Variants in ANKS1B observed in about 807,000 individuals in gnomAD.
ANKS1B encodes ankyrin repeat and sterile alpha motif domain-containing protein 1B.
ANKS1B carries 36 observed loss-of-function variants against 148.3 expected under a neutral mutation model. The ratio of observed to expected loss-of-function variants is 0.24; its 90% CI spans 0.19 to 0.32. The LOEUF (loss-of-function observed/expected upper bound fraction) is 0.32, where lower values mean the gene tolerates loss of function less well. Ranked by LOEUF, ANKS1B falls within the 10% of genes least tolerant of loss-of-function variation. The pLI, the probability that ANKS1B is intolerant of heterozygous loss-of-function variation, is 1.00. For synonymous variants in ANKS1B, 542 were observed against 560.8 expected (o/e 0.97, Z 0.47); for missense variants, 1,157 against 1,542.6 (o/e 0.75, Z 4.19).
intron 8 of ANKS1B, among the ~76,000 whole-genome samples, chr12:99,731,789 T>C (rs2059186060): frequency 6.6e-6 from 1 of 152,120 alleles, no homozygotes; most frequent in Admixed American, 6.6e-5. Flanking sequence ...ACATGAATCA[T>C]ACACACATAA....
chr12:99,830,370 T>C (rs1266947701), intron 1 of ANKS1B, among the ~76,000 whole-genome samples: 1 of 152,124 alleles, frequency 6.6e-6, no homozygotes, highest in East Asian at 1.9e-4. Context: ...CCTAAATTAA[T>C]ACATCTGTTC....
intron 1 of ANKS1B, among the ~76,000 whole-genome samples, chr12:99,859,315 C>G (rs2089681644): frequency 6.6e-6 from 1 of 152,196 alleles, no homozygotes; most frequent in Non-Finnish European, 1.5e-5. Flanking sequence ...TAAACATTAA[C>G]AAGTTTACAC....
chr12:99,087,850 T>C (rs1008774717), intron 15 of ANKS1B, among the ~76,000 whole-genome samples: 1 of 152,178 alleles, frequency 6.6e-6, no homozygotes, highest in Non-Finnish European at 1.5e-5. Context: ...ATTTCAGTGT[T>C]TGAATACTGA....
chr12:99,676,177 C>G (rs536253192), intron 8 of ANKS1B, among the ~76,000 whole-genome samples: 122 of 149,534 alleles, frequency 8.2e-4, no homozygotes, highest in African/African-American at 2.9e-3. Context: ...CCCCTTCTGC[C>G]ATTGTTTTAA....
rs759880783 is a variant in ANKS1B, at chr12:98,773,176, T to C, written c.3445A>G (p.Ile1149Val). ...TTACGAATTTCATGCTCAGCAATTA[T>C]GTTCTGGAAGAAATGACATAAATGA... ...VKFIDATNKN[I>V]IAEHEIRNIS... is the part of the protein sequence containing the mutation. The change falls in exon 25 of 27, where the codon ATA becomes GTA. Residue 1149 changes from isoleucine to valine, a missense_variant. Around this residue, in one of 6 missense-constraint regions of ANKS1B, gnomAD observed 258 missense variants for 497.0 expected, o/e 0.52. Coordinates refer to ENST00000683438, the MANE Select transcript of ANKS1B (RefSeq NM_001352186.2). 34 of 1,606,362 alleles carry C rather than the reference T, an allele frequency of 2.1e-5. No individual in the cohort carries two copies. Among genetic ancestry groups the C allele is most frequent in the Non-Finnish European group, 2.6e-5 (31 of 1,176,630 alleles).
intron 15 of ANKS1B, chr12:99,093,257 A>G (rs1346475097): frequency 1.3e-5 from 2 of 152,204 alleles, no homozygotes; most frequent in Non-Finnish European, 2.9e-5. Flanking sequence ...TTCTCCTTCT[A>G]AACTACCTTA....
chr12:98,736,840 G>A (rs2097775908), intron 9 of ANKS1B, among the ~76,000 whole-genome samples: 1 of 152,218 alleles, frequency 6.6e-6, no homozygotes, highest in Non-Finnish European at 1.5e-5. Context: ...TGATCAGTCT[G>A]CTCATTCACC....
intron 1 of ANKS1B, among the ~76,000 whole-genome samples, chr12:99,961,372 C>T (rs2095410633): frequency 6.6e-6 from 1 of 152,154 alleles, no homozygotes; most frequent in Non-Finnish European, 1.5e-5. Flanking sequence ...TTCACAAAAT[C>T]GCTGAGGTAA....
intron 15 of ANKS1B, chr12:99,093,600 T>G (rs1251045963): frequency 6.6e-6 from 1 of 152,224 alleles, no homozygotes; most frequent in Non-Finnish European, 1.5e-5. Context: ...CTGCATGTAT[T>G]CTGAATCCAG....
intron 2 of ANKS1B, among the ~76,000 whole-genome samples, chr12:99,815,150 T>G (rs2068938191): frequency 6.6e-6 from 1 of 151,848 alleles, no homozygotes; most frequent in South Asian, 2.1e-4. Context: ...CCTTTTACTC[T>G]TGCTCCAATC....
At chr12:99,676,054 T>C (rs896270002) in intron 8 of ANKS1B, among the ~76,000 whole-genome samples, 9 of 152,120 alleles carry the variant, frequency 5.9e-5, no homozygotes, top group Non-Finnish European at 1.3e-4. Flanking sequence ...GCAGATACCC[T>C]CATGCAGTTT....
At chr12:99,175,205 A>G (rs1566554054) in intron 14 of ANKS1B, among the ~76,000 whole-genome samples, 1 of 152,194 alleles carries the variant, frequency 6.6e-6, no homozygotes, top group Non-Finnish European at 1.5e-5. Context: ...GCTGAATTCT[A>G]CTCAAAGCCA....
At chr12:98,802,637 T>A (rs1209581004) in intron 20 of ANKS1B, among the ~76,000 whole-genome samples, 3 of 113,160 alleles carry the variant, frequency 2.7e-5, no homozygotes, top group African/African-American at 1.0e-4. Flanking sequence ...TTTTTAGCAG[T>A]GGAGTGCCTG....
At chr12:99,265,781 AC>A (rs1332391738) in intron 12 of ANKS1B, among the ~76,000 whole-genome samples, 1 of 152,066 alleles carries the variant, frequency 6.6e-6, no homozygotes, top group African/African-American at 2.4e-5. Flanking sequence ...ATCCAATGGT[AC>A]CTCCTCACTG....
intron 12 of ANKS1B, among the ~76,000 whole-genome samples, chr12:99,313,243 C>G (rs567991500): frequency 6.6e-6 from 1 of 152,002 alleles, no homozygotes; most frequent in African/African-American, 2.4e-5. Flanking sequence ...CCTGAATAGA[C>G]CAATAACAGT....
intron 17 of ANKS1B, among the ~76,000 whole-genome samples, chr12:99,008,137 T>A (rs1288939375): frequency 6.6e-6 from 1 of 152,138 alleles, no homozygotes; most frequent in African/African-American, 2.4e-5. Flanking sequence ...ATAAGATACT[T>A]AGCACCTGTT....
intron 1 of ANKS1B, among the ~76,000 whole-genome samples, chr12:99,973,266 T>A (rs376474431): frequency 2.0e-5 from 3 of 152,350 alleles, no homozygotes; most frequent in South Asian, 2.1e-4. Flanking sequence ...CCATACCTAG[T>A]GGTAGCTATA....
intron 14 of ANKS1B, among the ~76,000 whole-genome samples, chr12:99,233,193 A>C (rs2087191863): frequency 6.6e-6 from 1 of 152,156 alleles, no homozygotes; most frequent in African/African-American, 2.4e-5. Context: ...CAAACATTCC[A>C]AATCCAAAAA....
At chr12:99,712,163 A>G (rs1285564589) in intron 8 of ANKS1B, among the ~76,000 whole-genome samples, 4 of 152,202 alleles carry the variant, frequency 2.6e-5, no homozygotes, top group African/African-American at 9.6e-5. Flanking sequence ...ATGGACACAC[A>G]GAGGGGAACA....
Sources: allele counts gnomAD v4.1 joint callset (sites outside exome capture counted in the v4.1 genomes callset), GRCh38; gene constraint gnomAD v4.1.1; regional missense constraint gnomAD v4.1.1; transcripts MANE v1.5; gene names NCBI Gene and HGNC (gene_info 2026-07-23, HGNC 2026-07-21).